Variants in CPQ observed in about 807,000 individuals in gnomAD.
CPQ encodes carboxypeptidase Q, also known as Ser-Met dipeptidase.
A neutral mutation model predicts 45.7 loss-of-function variants in CPQ; 37 were observed. That is an observed-to-expected ratio of 0.81 (90% CI 0.62 to 1.07). The LOEUF (loss-of-function observed/expected upper bound fraction) is 1.07, where lower values mean the gene tolerates loss of function less well. Among genes scored for constraint, CPQ ranks in the 50% least tolerant of loss-of-function variants. The pLI is 0.00. For synonymous variants in CPQ, 186 were observed against 205.8 expected (o/e 0.90, Z 0.82); for missense variants, 537 against 572.9 (o/e 0.94, Z 0.64).
intron 3 of CPQ, among the ~76,000 whole-genome samples, chr8:96,856,794 T>A (rs908392700): frequency 6.6e-6 from 1 of 152,112 alleles, no homozygotes. Context: ...ATGAAGAGAG[T>A]GGTTAAGGAA....
chr8:97,036,760 G>A (rs1465375457), intron 6 of CPQ, among the ~76,000 whole-genome samples: 7 of 152,182 alleles, frequency 4.6e-5, no homozygotes, highest in Admixed American at 1.3e-4. Context: ...ATTATAATGA[G>A]TAAGGTAATC....
chr8:97,081,637 GT>G (rs1182363230), intron 7 of CPQ, among the ~76,000 whole-genome samples: 2 of 152,152 alleles, frequency 1.3e-5, no homozygotes, highest in Non-Finnish European at 2.9e-5. Flanking sequence ...CAACTCCACT[GT>G]TTTCCATGTG....
At chr8:97,131,996 G>GTA (rs1473897994) in intron 7 of CPQ, among the ~76,000 whole-genome samples, 1 of 152,098 alleles carries the variant, frequency 6.6e-6, no homozygotes, top group East Asian at 1.9e-4. Context: ...TTGATTATTA[G>GTA]TATAGTTTCA....
Position 97,025,982 on chromosome 8 carries a change from A to G in CPQ, c.962-3421A>G, listed in dbSNP as rs1430000117. Among the ~76,000 whole-genome samples, 10 of 152,294 alleles carry G rather than the reference A, an allele frequency of 6.6e-5. No individual in the cohort carries two copies. In the East Asian group the frequency reaches 1.9e-3, roughly 29 times the overall value. On this transcript the variant is annotated intron_variant, in intron 5 of 7. Coordinates refer to ENST00000220763, the MANE Select transcript of CPQ (RefSeq NM_016134.4). The stretch of plus-strand genomic sequence containing the variant: ...ATTTATTTAGATTTGTATATGCTCT[A>G]TATTGGGATGAGGGAGCTTTTTGTA...
At chr8:97,116,947 C>T (rs1308787484) in intron 7 of CPQ, among the ~76,000 whole-genome samples, 2 of 152,132 alleles carry the variant, frequency 1.3e-5, no homozygotes, top group African/African-American at 2.4e-5. Context: ...TGATGATAAC[C>T]AGTAGTTTGT....
At chr8:96,646,499 G>A (rs1815521114) in intron 1 of CPQ, among the ~76,000 whole-genome samples, 1 of 152,168 alleles carries the variant, frequency 6.6e-6, no homozygotes, top group Non-Finnish European at 1.5e-5. Flanking sequence ...GACAGGTGCT[G>A]GCTGATTTGC....
intron 5 of CPQ, among the ~76,000 whole-genome samples, chr8:97,006,323 C>T (rs551515012): frequency 4.1e-4 from 63 of 152,048 alleles, no homozygotes; most frequent in African/African-American, 1.5e-3. Context: ...GTGTCTATGT[C>T]CTGCCATTTC....
At chr8:96,966,576 T>C (rs948026014) in intron 5 of CPQ, among the ~76,000 whole-genome samples, 2 of 152,142 alleles carry the variant, frequency 1.3e-5, no homozygotes, top group Admixed American at 1.3e-4. Flanking sequence ...CCCTGACCTC[T>C]TCCCACTAGA....
intron 1 of CPQ, among the ~76,000 whole-genome samples, chr8:96,777,754 ATATATATTTTTTTTTTTTTTTTT>A (rs1810632451): frequency 2.4e-4 from 3 of 12,316 alleles, no homozygotes; most frequent in Admixed American, 3.0e-3. Flanking sequence ...ATATATATAT[ATATATATTTTTTTTTTTTTTTTT>A]TTTTTTTTTT....
At chr8:96,967,697 A>G (rs530603844) in intron 5 of CPQ, among the ~76,000 whole-genome samples, 2 of 152,356 alleles carry the variant, frequency 1.3e-5, no homozygotes, top group South Asian at 4.1e-4. Flanking sequence ...AGATATGAAT[A>G]GAACTCTAAA....
At chr8:96,760,514 G>A (rs1810386800) in intron 1 of CPQ, among the ~76,000 whole-genome samples, 1 of 152,110 alleles carries the variant, frequency 6.6e-6, no homozygotes, top group Admixed American at 6.5e-5. Flanking sequence ...GGCTAATGTT[G>A]ATGTTTTAAG....
At chr8:97,023,248 C>T (rs1418661590) in intron 5 of CPQ, among the ~76,000 whole-genome samples, 1 of 151,818 alleles carries the variant, frequency 6.6e-6, no homozygotes, top group Non-Finnish European at 1.5e-5. Flanking sequence ...ATTGTATGTT[C>T]TCACTCATAT....
At chr8:96,988,445 T>A (rs898607994) in intron 5 of CPQ, among the ~76,000 whole-genome samples, 4 of 152,210 alleles carry the variant, frequency 2.6e-5, no homozygotes, top group African/African-American at 9.7e-5. Context: ...AATGTACTAT[T>A]TGTAAGCAGA....
At chr8:97,135,503 G>T (rs932154711) in intron 7 of CPQ, among the ~76,000 whole-genome samples, 2 of 152,066 alleles carry the variant, frequency 1.3e-5, no homozygotes, top group African/African-American at 4.8e-5. Context: ...GTAATAATGT[G>T]TATGTGTTTT....
chr8:96,718,515 C>T (rs865919901), intron 1 of CPQ, among the ~76,000 whole-genome samples: 3 of 152,052 alleles, frequency 2.0e-5, no homozygotes, highest in Non-Finnish European at 4.4e-5. Context: ...TGCAGACCTT[C>T]GTGGTGAGTG....
At chr8:96,843,134 C>T (rs750880064) in intron 3 of CPQ, among the ~76,000 whole-genome samples, 8 of 151,922 alleles carry the variant, frequency 5.3e-5, no homozygotes, top group Non-Finnish European at 1.2e-4. Flanking sequence ...CTTGAACTCT[C>T]GACCTCAGGT....
intron 5 of CPQ, among the ~76,000 whole-genome samples, chr8:97,009,162 G>A (rs999792159): frequency 2.0e-5 from 3 of 152,218 alleles, no homozygotes; most frequent in African/African-American, 7.2e-5. Context: ...ACAGCCAGTT[G>A]CTTGGTCTTC....
At chr8:96,725,765 C>A (rs1206783671) in intron 1 of CPQ, among the ~76,000 whole-genome samples, 3 of 151,960 alleles carry the variant, frequency 2.0e-5, no homozygotes, top group Non-Finnish European at 4.4e-5. Flanking sequence ...ATCATTTTAC[C>A]AAAAAAGACA....
chr8:96,741,582 G>A (rs1240379189), intron 1 of CPQ, among the ~76,000 whole-genome samples: 1 of 151,842 alleles, frequency 6.6e-6, no homozygotes, highest in Non-Finnish European at 1.5e-5. Flanking sequence ...GTCAATTTTG[G>A]ATCTTTCCTG....
Sources: allele counts gnomAD v4.1 joint callset (sites outside exome capture counted in the v4.1 genomes callset), GRCh38; gene constraint gnomAD v4.1.1; transcripts MANE v1.5; gene names NCBI Gene and HGNC (gene_info 2026-07-23, HGNC 2026-07-21).